The following MOB3B variants were observed in gnomAD, a reference collection of about 807,000 sequenced individuals.
The protein encoded by MOB3B is MOB kinase activator-like 2B.
In MOB3B, 7 loss-of-function variants were observed where a neutral mutation model predicts 18.7. The observed-to-expected ratio is 0.37, with a 90% CI of 0.21 to 0.70. MOB3B has a LOEUF of 0.70. MOB3B is among the 30% of genes least tolerant of loss of function. The pLI is 0.52. For synonymous variants in MOB3B, 111 were observed against 99.9 expected, an observed-to-expected ratio of 1.11 and a Z score of -0.66; for missense variants, 253 against 281.3, an observed-to-expected ratio of 0.90 and a Z score of 0.72.
At chr9:27,417,112 C>T (rs571580212) in intron 2 of MOB3B, among the ~76,000 whole-genome samples, 169 of 152,272 alleles carry the variant, frequency 1.1e-3, no homozygotes, top group African/African-American at 3.8e-3. Flanking sequence ...GCCTGTAATC[C>T]CAGCACTTTG....
At chr9:27,480,210 C>T (rs187909628) in intron 1 of MOB3B, among the ~76,000 whole-genome samples, 17 of 151,714 alleles carry the variant, frequency 1.1e-4, no homozygotes, top group African/African-American at 3.6e-4. Flanking sequence ...TGGAGTGTGG[C>T]GCAATCTCGG....
intron 1 of MOB3B, among the ~76,000 whole-genome samples, chr9:27,458,685 G>A (rs917088421): frequency 2.7e-5 from 4 of 150,318 alleles, no homozygotes; most frequent in Non-Finnish European, 4.4e-5. Context: ...TAAGTACCAG[G>A]GACCGTAGGT....
intron 1 of MOB3B, among the ~76,000 whole-genome samples, chr9:27,479,709 T>C (rs762733355): frequency 2.0e-5 from 3 of 152,128 alleles, no homozygotes; most frequent in Non-Finnish European, 4.4e-5. Context: ...AGCAATAATA[T>C]GAAAGAGTGA....
chr9:27,375,384 A>G (rs1476182767), intron 2 of MOB3B, among the ~76,000 whole-genome samples: 2 of 152,242 alleles, frequency 1.3e-5, no homozygotes, highest in African/African-American at 4.8e-5. Flanking sequence ...ATGAAGGCAC[A>G]TGGGCTTCAT....
intron 1 of MOB3B, among the ~76,000 whole-genome samples, chr9:27,511,793 T>C (rs1334015800): frequency 1.3e-5 from 2 of 152,208 alleles, no homozygotes; most frequent in African/African-American, 2.4e-5. Context: ...TGCCCCATTA[T>C]GCCAGCCCAA....
At chr9:27,482,253 T>C (rs539202884) in intron 1 of MOB3B, among the ~76,000 whole-genome samples, 56 of 152,022 alleles carry the variant, frequency 3.7e-4, no homozygotes, top group African/African-American at 1.3e-3. Context: ...AAACATTAAA[T>C]AATCCAAACA....
intron 2 of MOB3B, among the ~76,000 whole-genome samples, chr9:27,364,901 C>T (rs1020441847): frequency 4.6e-5 from 7 of 152,088 alleles, no homozygotes; most frequent in Non-Finnish European, 1.0e-4. Context: ...TCTGGACTTG[C>T]AAAAAACTTA....
intron 1 of MOB3B, among the ~76,000 whole-genome samples, chr9:27,489,797 T>C (rs907654533): frequency 6.8e-6 from 1 of 146,776 alleles, no homozygotes; most frequent in African/African-American, 2.5e-5. Context: ...TGCCAAGTAA[T>C]GTCCACCTAT....
chr9:27,393,739 C>A (rs766540346), intron 2 of MOB3B, among the ~76,000 whole-genome samples: 110 of 152,202 alleles, frequency 7.2e-4, no homozygotes, highest in Non-Finnish European at 1.2e-3. Context: ...ATTATCCCCA[C>A]TTTCCAGATG....
chr9:27,517,347 C>T (rs1350428793), intron 1 of MOB3B, among the ~76,000 whole-genome samples: 1 of 152,086 alleles, frequency 6.6e-6, no homozygotes, highest in Non-Finnish European at 1.5e-5. Context: ...CACAGTTATA[C>T]AATTCTATCA....
chr9:27,385,431 G>T (rs1328827058), intron 2 of MOB3B, among the ~76,000 whole-genome samples: 1 of 152,132 alleles, frequency 6.6e-6, no homozygotes, highest in Non-Finnish European at 1.5e-5. Flanking sequence ...GTATTCTGGA[G>T]GTTTTACAAA....
chr9:27,332,472 A>G (rs1200903228), intron 3 of MOB3B, among the ~76,000 whole-genome samples: 4 of 152,230 alleles, frequency 2.6e-5, no homozygotes, highest in African/African-American at 7.2e-5. Flanking sequence ...TTTTGAAAAG[A>G]AAGAAGCTAG....
chr9:27,335,307 T>C (rs181480026), intron 3 of MOB3B, among the ~76,000 whole-genome samples: 1 of 152,332 alleles, frequency 6.6e-6, no homozygotes, highest in East Asian at 1.9e-4. Flanking sequence ...TCCAACACTT[T>C]AATTTCGGAG....
intron 2 of MOB3B, among the ~76,000 whole-genome samples, chr9:27,381,899 G>C (rs1379343870): frequency 6.6e-6 from 1 of 152,126 alleles, no homozygotes; most frequent in East Asian, 1.9e-4. Context: ...TCCAGCCTTG[G>C]CATCTCAAAG....
chr9:27,493,637 T>C (rs1473071668), intron 1 of MOB3B, among the ~76,000 whole-genome samples: 1 of 150,942 alleles, frequency 6.6e-6, no homozygotes, highest in African/African-American at 2.5e-5. Flanking sequence ...CGAGACTCCA[T>C]CTCAAAAAAA....
At chr9:27,386,138 G>A (rs1821647856) in intron 2 of MOB3B, among the ~76,000 whole-genome samples, 1 of 152,224 alleles carries the variant, frequency 6.6e-6, no homozygotes. Flanking sequence ...CCAAGAATGA[G>A]TCCAAGTTTC....
chr9:27,464,746 T>C (rs1008551330), intron 1 of MOB3B, among the ~76,000 whole-genome samples: 1 of 152,122 alleles, frequency 6.6e-6, no homozygotes, highest in Non-Finnish European at 1.5e-5. Flanking sequence ...CTCAGAATCA[T>C]GGCGGGAGGT....
rs1821202068 is a variant in MOB3B, at chr9:27,357,129, T to TATATATGTATATATATATATATATAC, written c.621+1904_621+1905insGTATATATATATATATATACATATAT. Among the ~76,000 whole-genome samples, 4 of 81,898 alleles carry TATATATGTATATATATATATATATAC rather than the reference T, an allele frequency of 4.9e-5. 1 individual carries two copies. The Admixed American group carries it at 6.0e-4, about 12-fold the overall frequency. 53.7% of individuals were successfully genotyped at this position (81,898 alleles called of 152,430 possible). A position where few individuals can be genotyped will look rare whatever the true frequency, so the allele number is the denominator to read the frequency against. On this transcript the variant is annotated intron_variant, in intron 3 of 3. Transcript: ENST00000262244. ...GACTACTGAGTAATGCAAATATATATATATATATATATATATGTGTTTTTT... is the reference window on the plus strand; with the variant it reads ...GACTACTGAGTAATGCAAATATATATATATATGTATATATATATATATATACATATATATATATATATGTGTTTTTT...
chr9:27,436,405 T>C (rs1355542252), intron 2 of MOB3B, among the ~76,000 whole-genome samples: 2 of 152,244 alleles, frequency 1.3e-5, no homozygotes, highest in Non-Finnish European at 2.9e-5. Context: ...GGTCTTACTC[T>C]ACTATTTGCT....
Sources: gnomAD v4.1 joint callset for allele counts (sites outside exome capture counted in the v4.1 genomes callset) on GRCh38, gnomAD v4.1.1 for gene constraint, MANE v1.5 for transcripts, NCBI Gene and HGNC (gene_info 2026-07-23, HGNC 2026-07-21) for gene names.